The following PPP1R1C variants were observed in gnomAD, a reference collection of about 807,000 sequenced individuals.
PPP1R1C encodes the protein protein phosphatase 1 regulatory inhibitor subunit 1C.
PPP1R1C carries 15 observed loss-of-function variants against 17.4 expected under a neutral mutation model. The ratio of observed to expected loss-of-function variants is 0.86; its 90% CI spans 0.58 to 1.33. PPP1R1C has a LOEUF of 1.33. PPP1R1C is among the 40% of genes most tolerant of loss of function. The pLI, the probability that PPP1R1C is intolerant of heterozygous loss-of-function variation, is 0.00. For synonymous variants in PPP1R1C, 35 were observed against 43.1 expected, an observed-to-expected ratio of 0.81 and a Z score of 0.73; for missense variants, 143 against 130.0, an observed-to-expected ratio of 1.10 and a Z score of -0.48.
chr2:181,961,927 C>T lies in PPP1R1C; in HGVS notation n.111+7293C>T, dbSNP rs1203224086. The T allele has an allele frequency of 6.7e-6, 5 of 743,832 alleles. No individual in the cohort carries two copies. The East Asian group carries it at 1.3e-4, about 19-fold the overall frequency. The allele number at this position is 743,832 out of a possible 1,614,324, so 46.1% of individuals were successfully genotyped here. A position where few individuals can be genotyped will look rare whatever the true frequency, so the allele number is the denominator to read the frequency against. On this transcript the variant is annotated intron_variant and non_coding_transcript_variant, in intron 1 of 5. Transcript: ENST00000464264. The surrounding 1 kb of genome is among the most constrained non-coding windows in gnomAD (Gnocchi z 5.8). ...ATTGGTCATCAGTGACCTTGTGGAG[C>T]CCATGGATGTCACTCCCCACAGACG...
At chr2:182,024,394 A>G (rs563196289) in intron 2 of PPP1R1C, among the ~76,000 whole-genome samples, 28 of 152,318 alleles carry the variant, frequency 1.8e-4, no homozygotes, top group South Asian at 1.5e-3. Context: ...AATTTTTAAA[A>G]TATTTCAGAG....
At chr2:182,002,074 T>C (rs1055236063) in intron 2 of PPP1R1C, among the ~76,000 whole-genome samples, 6 of 152,174 alleles carry the variant, frequency 3.9e-5, no homozygotes, top group African/African-American at 1.4e-4. Context: ...ATTGCTGTTA[T>C]ATTGTATAAC....
chr2:182,056,806 C>T (rs1354359575), intron 2 of PPP1R1C, among the ~76,000 whole-genome samples: 1 of 152,066 alleles, frequency 6.6e-6, no homozygotes, highest in African/African-American at 2.4e-5. Flanking sequence ...ACATATTGTA[C>T]TTGAAATAGA....
At chr2:182,096,109 G>A (rs1409920751) in intron 4 of PPP1R1C, among the ~76,000 whole-genome samples, 5 of 151,996 alleles carry the variant, frequency 3.3e-5, no homozygotes, top group African/African-American at 9.7e-5. Flanking sequence ...AATGAAACCC[G>A]AAATTCTAGA....
intron 4 of PPP1R1C, among the ~76,000 whole-genome samples, chr2:182,111,100 A>G (rs575308647): frequency 3.3e-5 from 5 of 152,100 alleles, no homozygotes; most frequent in Non-Finnish European, 5.9e-5. Context: ...CTTTCCAAAG[A>G]TATTGTTTGA....
intron 4 of PPP1R1C, among the ~76,000 whole-genome samples, chr2:182,097,546 G>C (rs1383809131): frequency 1.3e-5 from 2 of 152,172 alleles, no homozygotes; most frequent in Non-Finnish European, 2.9e-5. Flanking sequence ...TGGGGACTAA[G>C]AATCATTGGT....
intron 4 of PPP1R1C, among the ~76,000 whole-genome samples, chr2:182,102,896 T>A (rs1329378423): frequency 1.3e-5 from 2 of 152,016 alleles, no homozygotes; most frequent in Non-Finnish European, 2.9e-5. Context: ...CTCACTGCAC[T>A]CCTGGACTCA....
In PPP1R1C at chr2:182,117,189, T is replaced by A; in HGVS notation, c.242-18T>A. On this transcript the variant is annotated intron_variant, in intron 4 of 4. Transcript: ENST00000682840. ...AAATGAAAATCATTTAAATTTTGCA[T>A]AATTTTTATAATTTCAGGGGTTAAG... 1 of 1,489,420 alleles carries A rather than the reference T, an allele frequency of 6.7e-7. No individual in the cohort carries two copies. The highest frequency in any genetic ancestry group is 9.1e-7 in the Non-Finnish European group (1 of 1,098,930). 92.3% of individuals were successfully genotyped at this position (1,489,420 alleles called of 1,614,324 possible).
upstream of PPP1R1C, among the ~76,000 whole-genome samples, chr2:181,981,271 G>A (rs985632727): frequency 5.9e-5 from 9 of 152,184 alleles, no homozygotes; most frequent in Admixed American, 5.9e-4. Context: ...AATAAATGTG[G>A]AATGAATGAA....
At chr2:182,047,010 A>C (rs1687367463) in intron 2 of PPP1R1C, among the ~76,000 whole-genome samples, 1 of 152,226 alleles carries the variant, frequency 6.6e-6, no homozygotes, top group Non-Finnish European at 1.5e-5. Context: ...TAAATATTTC[A>C]AATAGTGGTA....
chr2:182,038,058 G>C (rs1223034469), intron 2 of PPP1R1C, among the ~76,000 whole-genome samples: 1 of 151,856 alleles, frequency 6.6e-6, no homozygotes, highest in Non-Finnish European at 1.5e-5. Flanking sequence ...ATATATTTGA[G>C]ATAAGGTCTC....
At chr2:182,064,147 G>C in intron 4 of PPP1R1C, 1 of 242,540 alleles carries the variant, frequency 4.1e-6, no homozygotes. Context: ...TTTTTCTCTT[G>C]GCTAAAGCAA....
chr2:182,036,566 T>G (rs7569843), intron 2 of PPP1R1C, among the ~76,000 whole-genome samples: 5,949 of 152,274 alleles, frequency 0.039, 393 homozygotes, highest in African/African-American at 0.13. Context: ...AATAACTACA[T>G]TTATCTAGGT....
At chr2:182,046,890 T>G (rs1687364276) in intron 2 of PPP1R1C, among the ~76,000 whole-genome samples, 1 of 152,222 alleles carries the variant, frequency 6.6e-6, no homozygotes, top group African/African-American at 2.4e-5. Context: ...CTGTTACATG[T>G]GCTCTGGCTG....
chr2:182,125,910 C>T (rs1390308737), intron 5 of PPP1R1C, among the ~76,000 whole-genome samples: 1 of 152,084 alleles, frequency 6.6e-6, no homozygotes, highest in Non-Finnish European at 1.5e-5. Flanking sequence ...TCTCTATCTC[C>T]TTCACTTCTG....
chr2:182,092,278 T>C lies in PPP1R1C; in HGVS notation c.242-24929T>C, dbSNP rs921232476. Reference sequence around the variant, plus strand: ...CCCATTTTTAAAACCATAACATCTGTGAGACCCATTCATAATCATGAGAAC... The same window carrying C: ...CCCATTTTTAAAACCATAACATCTGCGAGACCCATTCATAATCATGAGAAC... On this transcript the variant is annotated intron_variant, in intron 4 of 4. Coordinates refer to ENST00000682840, the MANE Select transcript of PPP1R1C (RefSeq NM_001080545.3). Among the ~76,000 whole-genome samples the C allele has an allele frequency of 2.0e-5, 3 of 152,156 alleles. No individual in the cohort carries two copies. The South Asian group carries it at 6.2e-4, about 32-fold the overall frequency.
Position 181,961,845 on chromosome 2 carries a change from GA to G in PPP1R1C, n.111+7213del. ...CTTCCTCTTCGTGGTTCTTCTTCAT[GA>G]AGAGCAGCTCCTCCTTGAGAGCCTC... On this transcript the variant is annotated intron_variant and non_coding_transcript_variant, in intron 1 of 5. Coordinates refer to the PPP1R1C transcript ENST00000464264. The surrounding 1 kb of genome is among the most constrained non-coding windows in gnomAD (Gnocchi z 5.8). The G allele has an allele frequency of 1.1e-6, 1 of 915,128 alleles. No homozygotes were observed. 56.7% of individuals were successfully genotyped at this position (915,128 alleles called of 1,614,324 possible).
chr2:182,098,767 G>T (rs78819168), intron 4 of PPP1R1C, among the ~76,000 whole-genome samples: 1,937 of 152,220 alleles, frequency 0.013, 18 homozygotes, highest in East Asian at 0.048. Flanking sequence ...AATTAGTACT[G>T]TCTTTGAAAT....
At chr2:182,029,726 G>C (rs1468568671) in intron 2 of PPP1R1C, among the ~76,000 whole-genome samples, 1 of 105,250 alleles carries the variant, frequency 9.5e-6, no homozygotes, top group Non-Finnish European at 1.9e-5. Flanking sequence ...TCTTTGTGGC[G>C]TTCTGTGTAT....
Sources: allele counts gnomAD v4.1 joint callset (sites outside exome capture counted in the v4.1 genomes callset), GRCh38; gene constraint gnomAD v4.1.1; non-coding constraint Gnocchi (gnomAD v3.1); transcripts MANE v1.5; gene names NCBI Gene and HGNC (gene_info 2026-07-23, HGNC 2026-07-21).